AP3D1: variants seen among roughly 807,000 people sequenced by gnomAD.
AP3D1 encodes AP-3 complex subunit delta-1.
In AP3D1, 51 loss-of-function variants were observed where a neutral mutation model predicts 147.6. That is an observed-to-expected ratio of 0.35 (90% CI 0.28 to 0.44). The LOEUF is 0.44. Ranked by LOEUF, AP3D1 falls within the 20% of genes least tolerant of loss-of-function variation. The probability of loss-of-function intolerance (pLI) is 1.00; values close to 1 mark genes in which losing one functional copy is unlikely to be tolerated. For missense variants in AP3D1, 1,421 were observed against 1,624.2 expected, an observed-to-expected ratio of 0.87 and a Z score of 2.15; for synonymous variants, 760 against 663.0, an observed-to-expected ratio of 1.15 and a Z score of -2.25.
chr19:2,137,113 CA>C (rs2019097743), intron 3 of AP3D1, 22 bp from the exon 4 acceptor site: 1 of 1,564,104 alleles, frequency 6.4e-7, no homozygotes, highest in Admixed American at 1.9e-5. Flanking sequence ...CAGATGAGCA[CA>C]TCAGAGGCAG....
At chr19:2,129,898 C>G (rs1298047920) in intron 6 of AP3D1, among the ~76,000 whole-genome samples, 1 of 152,194 alleles carries the variant, frequency 6.6e-6, no homozygotes, top group Non-Finnish European at 1.5e-5. Context: ...CTCCTGCACA[C>G]AGGGCCTTGG....
chr19:2,163,851 C>G (rs550371670), intron 1 of AP3D1, among the ~76,000 whole-genome samples: 102 of 150,138 alleles, frequency 6.8e-4, no homozygotes, highest in African/African-American at 2.3e-3. Flanking sequence ...GGTCGGCCCG[C>G]TGGGCGGCGG....
chr19:2,154,630 C>T (rs757570545), upstream of AP3D1, among the ~76,000 whole-genome samples: 38 of 152,214 alleles, frequency 2.5e-4, no homozygotes, highest in Non-Finnish European at 4.7e-4. Context: ...CAGAATTTCT[C>T]TCTCCACTTT....
At chr19:2,128,055 C>T (rs1017084) in intron 8 of AP3D1, among the ~76,000 whole-genome samples, 128,534 of 152,258 alleles carry the variant, frequency 0.84, 54,569 homozygotes, top group Non-Finnish European at 0.89. Flanking sequence ...TCCTTGTTGC[C>T]GACACATGAC....
At chr19:2,126,815 G>A (rs747375062) in intron 9 of AP3D1, among the ~76,000 whole-genome samples, 3 of 152,146 alleles carry the variant, frequency 2.0e-5, no homozygotes, top group Non-Finnish European at 4.4e-5. Flanking sequence ...GAGCAGCAGG[G>A]GCCGGCATCT....
chr19:2,115,404 C>T lies in AP3D1; in HGVS notation c.2164G>A (p.Asp722Asn). The T allele has an allele frequency of 6.2e-7, 1 of 1,607,340 alleles. No individual in the cohort carries two copies. Among genetic ancestry groups the T allele is most frequent in the Non-Finnish European group, 8.5e-7 (1 of 1,179,862 alleles). ...PLKVPGLPMS[D>N]QYVKLEEERR... is the part of the protein sequence containing the mutation. ...TCCTCCTCCAGCTTCACATACTGATCTGACATAGGCAGCCCTGCGGGCCGG... is the reference window on the plus strand; with the variant it reads ...TCCTCCTCCAGCTTCACATACTGATTTGACATAGGCAGCCCTGCGGGCCGG... Residue 722 changes from aspartate to asparagine, a missense_variant, in exon 20 of 32, where the codon GAT becomes AAT. Asp to Asn is a conservative substitution (Grantham distance 23, BLOSUM62 1). This residue lies in a region of AP3D1 where 791 missense variants were observed against 761.4 expected (regional missense o/e 1.04). Coordinates refer to ENST00000643116, the MANE Select transcript of AP3D1 (RefSeq NM_001261826.3).
intron 1 of AP3D1, among the ~76,000 whole-genome samples, chr19:2,157,578 C>T (rs953473775): frequency 2.0e-5 from 3 of 151,776 alleles, no homozygotes; most frequent in African/African-American, 7.3e-5. Context: ...CCCATCCACC[C>T]ATCCACCCAC....
At chr19:2,121,475 T>A (rs539336363) in intron 12 of AP3D1, among the ~76,000 whole-genome samples, 164 bp from the exon 13 acceptor site, 6 of 152,008 alleles carry the variant, frequency 3.9e-5, no homozygotes, top group Admixed American at 3.3e-4. Flanking sequence ...GTGGGCTGGG[T>A]TAGAGGCACA....
chr19:2,105,075 G>T (rs1020452870), intron 31 of AP3D1, among the ~76,000 whole-genome samples: 1 of 152,156 alleles, frequency 6.6e-6, no homozygotes. Context: ...GGGAATTTCA[G>T]ACCTGAAAAA....
chr19:2,145,438 A>G (rs1430461791), intron 1 of AP3D1, among the ~76,000 whole-genome samples: 1 of 152,230 alleles, frequency 6.6e-6, no homozygotes, highest in African/African-American at 2.4e-5. Context: ...TCCAGGGGAC[A>G]CTGGGCGATG....
intron 3 of AP3D1, 37 bp from the exon 4 acceptor site, chr19:2,137,128 A>C: frequency 6.5e-7 from 1 of 1,529,736 alleles, no homozygotes; most frequent in East Asian, 2.4e-5. Flanking sequence ...GAGGCAGGAC[A>C]CCCGCAGCCT....
intron 23 of AP3D1, 35 bp downstream of exon 23, chr19:2,113,301 C>T: frequency 8.6e-7 from 1 of 1,168,294 alleles, no homozygotes; most frequent in Non-Finnish European, 1.2e-6. Flanking sequence ...TCTGCAGACA[C>T]CGAGGCTGGC....
rs776432599 is a variant in AP3D1 at position 2,111,680 on chromosome 19, G to A, written c.2936C>T (p.Pro979Leu). ...CGGGGGCGCTGAAGTACCCCTCACC[G>A]GGAGCTGCTCCTCCTCTGGCGCGCC... ...QNGAPEEEQL[P>L]PESSYSLLAE... Residue 979 changes from proline (P) to leucine (L), a missense_variant and splice_region_variant, in exon 25 of 32, where the codon CCG (proline) becomes CTG (leucine). Physicochemically the swap from Pro to Leu is moderately conservative, Grantham distance 98. Coordinates refer to ENST00000643116, the MANE Select transcript of AP3D1 (RefSeq NM_001261826.3). 18 of 1,587,046 alleles carry A rather than the reference G, an allele frequency of 1.1e-5. No individual in the cohort carries two copies. Among genetic ancestry groups the A allele is most frequent in the African/African-American group, 1.1e-4 (8 of 74,410 alleles).
chr19:2,136,484 G>A (rs1284950020), intron 4 of AP3D1, among the ~76,000 whole-genome samples: 2 of 152,172 alleles, frequency 1.3e-5, no homozygotes, highest in African/African-American at 2.4e-5. Flanking sequence ...ATTGAGAGGC[G>A]GGAACCAAAG....
At chr19:2,111,046 G>A (rs528887337) in intron 26 of AP3D1, 150 bp from the exon 27 acceptor site, 58 of 943,244 alleles carry the variant, frequency 6.1e-5, no homozygotes, top group East Asian at 5.3e-4. Context: ...CAGGCCAAGC[G>A]CCTCCTATGG....
intron 30 of AP3D1, 117 bp from the exon 31 acceptor site, chr19:2,108,883 G>A (rs1437634511): frequency 1.5e-6 from 2 of 1,347,478 alleles, no homozygotes; most frequent in South Asian, 2.7e-5. Flanking sequence ...AGGCCTGTAG[G>A]AGCAGGGTGT....
rs544584416 is a variant in AP3D1 at position 2,126,643 on chromosome 19, ACT to A, written c.856+507_856+508del. On this transcript the variant is annotated intron_variant, in intron 9 of 31. Coordinates refer to ENST00000643116, the MANE Select transcript of AP3D1 (RefSeq NM_001261826.3). The stretch of plus-strand genomic sequence containing the variant: ...CCTCCAGCCTGGGCAACAGAGTGAG[ACT>A]CTGCCTCAAAAAAAAAAAAAAAAAA... Among the ~76,000 whole-genome samples the A allele has an allele frequency of 3.4e-3, 479 of 140,366 alleles. 1 individual carries two copies. The highest frequency in any genetic ancestry group is 0.011 in the Middle Eastern group (3 of 278). The allele number at this position is 140,366 out of a possible 152,430, so 92.1% of individuals were successfully genotyped here.
intron 29 of AP3D1, chr19:2,109,645 G>T: frequency 1.8e-6 from 1 of 556,240 alleles, no homozygotes; most frequent in South Asian, 2.2e-5. Context: ...AGGACTTCCA[G>T]GGGCCTGGAC....
chr19:2,110,854 T>C lies in AP3D1; in HGVS notation c.3028A>G (p.Thr1010Ala). 6.2e-7 allele frequency: 1 copy of C among 1,613,514 alleles called. No homozygotes were observed. The highest frequency in any genetic ancestry group is 8.5e-7 in the Non-Finnish European group (1 of 1,179,982). The stretch of plus-strand genomic sequence containing the variant: ...CTGTTCTCCAGCACGATGGCCACAG[T>C]GACCTGGCTGTCCTCCTGCAGACTG... ...RGSLQEDSQV[T>A]VAIVLENRSS... The change falls in exon 27 of 32, where the codon ACT (threonine) becomes GCT (alanine). Residue 1010 changes from threonine to alanine, a missense_variant. Around this residue, in one of 6 missense-constraint regions of AP3D1, gnomAD observed 791 missense variants for 761.4 expected, o/e 1.04. Transcript: ENST00000643116.
Sources: allele counts gnomAD v4.1 joint callset (sites outside exome capture counted in the v4.1 genomes callset), GRCh38; gene constraint gnomAD v4.1.1; regional missense constraint gnomAD v4.1.1; transcripts MANE v1.5; gene names NCBI Gene and HGNC (gene_info 2026-07-23, HGNC 2026-07-21).